Variants in LRRC4C observed in about 807,000 individuals in gnomAD.
LRRC4C encodes leucine rich repeat containing 4C.
A neutral mutation model predicts 33.6 loss-of-function variants in LRRC4C; 5 were observed. The ratio of observed to expected loss-of-function variants is 0.15; its 90% CI spans 0.08 to 0.31. The LOEUF is 0.31. Ranked by LOEUF, LRRC4C falls within the 10% of genes least tolerant of loss-of-function variation. The pLI is 1.00. For synonymous variants in LRRC4C, 329 were observed against 302.0 expected (o/e 1.09, Z -0.93); for missense variants, 560 against 796.7 (o/e 0.70, Z 3.58).
chr11:40,190,595 G>A (rs1861758863), intron 5 of LRRC4C, among the ~76,000 whole-genome samples: 2 of 152,272 alleles, frequency 1.3e-5, no homozygotes, highest in African/African-American at 4.8e-5. Context: ...AACTCGAAAA[G>A]TCACCGTCTT....
In LRRC4C at chr11:40,704,322, T is replaced by C. The variant is rs1208059193; in HGVS notation, c.-406-56044A>G. ...ATTCTGAGGGACTATTGTATTTATA[T>C]TTTTATATTTGAGGTGTTCAATGAG... On this transcript the variant is annotated intron_variant, in intron 2 of 6. Coordinates refer to ENST00000528697, the MANE Select transcript of LRRC4C (RefSeq NM_001258419.2). Among the ~76,000 whole-genome samples the C allele has an allele frequency of 2.0e-5, 3 of 152,178 alleles. No individual in the cohort carries two copies. The East Asian group carries it at 5.8e-4, about 29-fold the overall frequency.
intron 1 of LRRC4C, among the ~76,000 whole-genome samples, chr11:41,242,000 T>G (rs931652134): frequency 2.0e-5 from 3 of 152,012 alleles, no homozygotes; most frequent in Non-Finnish European, 2.9e-5. Context: ...TTTGCTTAAG[T>G]TTTTTTTGTA....
chr11:41,298,371 G>A (rs1464399380), intron 1 of LRRC4C, among the ~76,000 whole-genome samples: 1 of 151,812 alleles, frequency 6.6e-6, no homozygotes, highest in Non-Finnish European at 1.5e-5. Context: ...AGACAGAAAT[G>A]TGTCACATGG....
chr11:41,085,927 C>CCAAAAAAAAAA (rs1939943999), intron 1 of LRRC4C, among the ~76,000 whole-genome samples: 1 of 47,146 alleles, frequency 2.1e-5, no homozygotes, highest in African/African-American at 7.8e-5. Context: ...TTTTAAGACA[C>CCAAAAAAAAAA]CAAAAAAAAA....
At chr11:41,349,248 G>A (rs889947899) in intron 1 of LRRC4C, among the ~76,000 whole-genome samples, 2 of 152,042 alleles carry the variant, frequency 1.3e-5, no homozygotes, top group Non-Finnish European at 2.9e-5. Flanking sequence ...TTTTTCCACT[G>A]TAACCCCAAC....
At chr11:40,317,615 GTC>G (rs1274862180) in intron 4 of LRRC4C, among the ~76,000 whole-genome samples, 1 of 151,990 alleles carries the variant, frequency 6.6e-6, no homozygotes, top group Non-Finnish European at 1.5e-5. Flanking sequence ...ATACTGAAAC[GTC>G]TCTCTGCATG....
Position 40,459,207 on chromosome 11 carries a change from A to G in LRRC4C, c.-269-139486T>C, listed in dbSNP as rs76115000. 1.2e-3 allele frequency among the ~76,000 whole-genome samples: 178 copies of G among 152,334 alleles called. 1 individual carries two copies. Among genetic ancestry groups the G allele is most frequent in the African/African-American group, 4.1e-3 (169 of 41,592 alleles). The stretch of plus-strand genomic sequence containing the variant: ...AAGTGTTCTCTTATTCAATGTTTCA[A>G]TACTAACTTCCTGTTACTATTGAGT... On this transcript the variant is annotated intron_variant, in intron 3 of 6. Transcript: ENST00000528697.
chr11:40,157,015 C>A (rs1050477515), intron 5 of LRRC4C, among the ~76,000 whole-genome samples: 1 of 152,038 alleles, frequency 6.6e-6, no homozygotes, highest in Admixed American at 6.6e-5. Flanking sequence ...TTTCAAACTT[C>A]ACTATAAGGC....
chr11:41,128,633 A>G (rs1235717692), intron 1 of LRRC4C, among the ~76,000 whole-genome samples: 2 of 152,110 alleles, frequency 1.3e-5, no homozygotes, highest in Non-Finnish European at 2.9e-5. Flanking sequence ...AAATTAGTTC[A>G]TGTGACCTCC....
chr11:40,942,116 G>T lies in LRRC4C; in HGVS notation c.-495-8393C>A, dbSNP rs1035204014. Among the ~76,000 whole-genome samples, 5 of 152,158 alleles carry T rather than the reference G, an allele frequency of 3.3e-5. No homozygotes were observed. The South Asian group carries it at 6.2e-4, about 19-fold the overall frequency. On this transcript the variant is annotated intron_variant, in intron 1 of 6. Coordinates refer to ENST00000528697, the MANE Select transcript of LRRC4C (RefSeq NM_001258419.2). ...GGTTGGATAGAGAGAGTCCAGTCCT[G>T]CAGCACAGTTCCAAGAAAGGTTTAG...
At chr11:40,410,963 C>A (rs974144780) in intron 3 of LRRC4C, among the ~76,000 whole-genome samples, 1 of 151,934 alleles carries the variant, frequency 6.6e-6, no homozygotes, top group African/African-American at 2.4e-5. Flanking sequence ...AAAGCCATAT[C>A]ACCACATCTT....
intron 2 of LRRC4C, among the ~76,000 whole-genome samples, chr11:40,769,073 CA>C (rs1261018791): frequency 6.6e-6 from 1 of 151,734 alleles, no homozygotes; most frequent in Non-Finnish European, 1.5e-5. Context: ...TGATAATACA[CA>C]GAAAAACCAA....
rs374827854 is a variant in LRRC4C, at chr11:41,324,252, G to A, written c.-496+135179C>T. 1.2e-4 allele frequency among the ~76,000 whole-genome samples: 19 copies of A among 152,240 alleles called. 1 individual carries two copies. The East Asian group carries it at 2.3e-3, about 19-fold the overall frequency. On this transcript the variant is annotated intron_variant, in intron 1 of 6. Coordinates refer to ENST00000528697, the MANE Select transcript of LRRC4C (RefSeq NM_001258419.2). Reference sequence around the variant, plus strand: ...TCAAGACCAGCCTGACCAACATGGAGAAACCCAGTCTCTACTAAAAATACA... The same window carrying A: ...TCAAGACCAGCCTGACCAACATGGAAAAACCCAGTCTCTACTAAAAATACA...
At chr11:40,641,651 G>T (rs1211285650) in intron 3 of LRRC4C, among the ~76,000 whole-genome samples, 1 of 152,148 alleles carries the variant, frequency 6.6e-6, no homozygotes, top group African/African-American at 2.4e-5. Context: ...GACCTCTCCT[G>T]CTTTCTCAGC....
At chr11:40,749,067 A>G (rs1426335577) in intron 2 of LRRC4C, among the ~76,000 whole-genome samples, 9 of 152,172 alleles carry the variant, frequency 5.9e-5, no homozygotes, top group Admixed American at 5.9e-4. Context: ...CAGATCATCT[A>G]GAAAGAAAAT....
chr11:41,153,136 C>T (rs1590769214), intron 1 of LRRC4C, among the ~76,000 whole-genome samples: 1 of 152,132 alleles, frequency 6.6e-6, no homozygotes, highest in South Asian at 2.1e-4. Flanking sequence ...CTGGGATTCT[C>T]TTCGCCTCCA....
chr11:41,146,702 A>C (rs1943742091), intron 1 of LRRC4C, among the ~76,000 whole-genome samples: 1 of 152,240 alleles, frequency 6.6e-6, no homozygotes, highest in South Asian at 2.1e-4. Flanking sequence ...GGAGCCAGAC[A>C]TGAAAACAGA....
At chr11:40,588,599 C>G (rs1447476944) in intron 3 of LRRC4C, among the ~76,000 whole-genome samples, 2 of 151,414 alleles carry the variant, frequency 1.3e-5, no homozygotes, top group Non-Finnish European at 2.9e-5. Flanking sequence ...TTCCTGCTTT[C>G]TCTTGTGGGT....
At chr11:40,260,098 T>C (rs1167862740) in intron 4 of LRRC4C, among the ~76,000 whole-genome samples, 1 of 131,650 alleles carries the variant, frequency 7.6e-6, no homozygotes, top group Non-Finnish European at 1.6e-5. Flanking sequence ...TAAAGACACA[T>C]GCACACGTAT....
Sources: gnomAD v4.1 joint callset for allele counts (sites outside exome capture counted in the v4.1 genomes callset) on GRCh38, gnomAD v4.1.1 for gene constraint, MANE v1.5 for transcripts, NCBI Gene and HGNC (gene_info 2026-07-23, HGNC 2026-07-21) for gene names.